The following KHDRBS2 variants were observed in gnomAD, a reference collection of about 807,000 sequenced individuals.
KHDRBS2 encodes KH RNA binding domain containing, signal transduction associated 2.
In KHDRBS2, 26 loss-of-function variants were observed where a neutral mutation model predicts 44.3. The observed-to-expected ratio is 0.59, with a 90% confidence interval of 0.43 to 0.81. The LOEUF is 0.81. Ranked by LOEUF, KHDRBS2 falls within the 40% of genes least tolerant of loss-of-function variation. The pLI is 0.00. For missense variants in KHDRBS2, 476 were observed against 433.1 expected (o/e 1.10, Z -0.88); for synonymous variants, 194 against 151.1 (o/e 1.28, Z -2.08).
At chr6:62,206,296 A>C (rs1253484045) in intron 1 of KHDRBS2, among the ~76,000 whole-genome samples, 1 of 152,098 alleles carries the variant, frequency 6.6e-6, no homozygotes, top group Non-Finnish European at 1.5e-5. Context: ...AGGTCATAAT[A>C]AATCTAGAAA....
intron 6 of KHDRBS2, among the ~76,000 whole-genome samples, chr6:61,793,566 TATTTTTTCAA>T (rs1327700814): frequency 6.6e-6 from 1 of 152,080 alleles, no homozygotes; most frequent in African/African-American, 2.4e-5. Flanking sequence ...TGTAATGCTT[TATTTTTTCAA>T]AATAAATCAA....
At chr6:61,991,172 T>C (rs1172753298) in intron 3 of KHDRBS2, among the ~76,000 whole-genome samples, 2 of 152,188 alleles carry the variant, frequency 1.3e-5, no homozygotes, top group Admixed American at 1.3e-4. Context: ...ATTAAGTCCA[T>C]TAAAAAATTT....
At chr6:61,685,786 C>T (rs1377452563) in intron 8 of KHDRBS2, among the ~76,000 whole-genome samples, 1 of 151,668 alleles carries the variant, frequency 6.6e-6, no homozygotes, top group Non-Finnish European at 1.5e-5. Context: ...TCAATGTGTT[C>T]TTATTTCTGC....
At chr6:61,673,940 G>A in the KHDRBS2 span, among the ~76,000 whole-genome samples, 1 of 151,158 alleles carries the variant, frequency 6.6e-6, no homozygotes, top group African/African-American at 2.4e-5. Context: ...AGTTCATATG[G>A]AACCAAAAAA....
At chr6:61,716,154 C>T (rs1292050416) in intron 7 of KHDRBS2, among the ~76,000 whole-genome samples, 1 of 151,820 alleles carries the variant, frequency 6.6e-6, no homozygotes, top group Non-Finnish European at 1.5e-5. Context: ...ATATCTGGTA[C>T]CCTGAGCTGC....
At chr6:61,885,088 T>C (rs1464653052) in intron 6 of KHDRBS2, among the ~76,000 whole-genome samples, 2 of 152,168 alleles carry the variant, frequency 1.3e-5, no homozygotes, top group East Asian at 1.9e-4. Flanking sequence ...TCACAAAATC[T>C]AGAAAACAAT....
chr6:61,983,236 C>CTTTCTTTCTTTCTTTCT (rs1309156581), intron 3 of KHDRBS2, among the ~76,000 whole-genome samples: 15 of 118,512 alleles, frequency 1.3e-4, no homozygotes, highest in Non-Finnish European at 2.7e-4. Context: ...TTCTTTCTTT[C>CTTTCTTTCTTTCTTTCT]TTTTTTTTTT....
chr6:61,616,969 C>CT, the KHDRBS2 span, among the ~76,000 whole-genome samples: 7 of 151,384 alleles, frequency 4.6e-5, no homozygotes, highest in East Asian at 1.2e-3. Context: ...TTATTGAGTA[C>CT]TTTTTTTTTC....
intron 2 of KHDRBS2, among the ~76,000 whole-genome samples, chr6:62,175,542 A>T (rs1820919148): frequency 6.6e-6 from 1 of 151,256 alleles, no homozygotes; most frequent in Non-Finnish European, 1.5e-5. Context: ...ATACTTTTTC[A>T]GTTGCCTCAT....
chr6:61,564,879 C>T, the KHDRBS2 span, among the ~76,000 whole-genome samples: 1 of 152,126 alleles, frequency 6.6e-6, no homozygotes, highest in South Asian at 2.1e-4. Context: ...ATCATATTAC[C>T]TGACTTCAAA....
At chr6:61,907,329 C>A (rs1350426468) in intron 4 of KHDRBS2, among the ~76,000 whole-genome samples, 1 of 151,804 alleles carries the variant, frequency 6.6e-6, no homozygotes, top group African/African-American at 2.4e-5. Context: ...AGGTAATTTG[C>A]AAATATTTTC....
intron 6 of KHDRBS2, among the ~76,000 whole-genome samples, chr6:61,847,198 CTAAA>C (rs1239044769): frequency 6.6e-6 from 1 of 152,066 alleles, no homozygotes; most frequent in Non-Finnish European, 1.5e-5. Context: ...AAATAAGAGA[CTAAA>C]TTCTCACTGT....
At chr6:62,248,859 T>G (rs1836058855) in intron 1 of KHDRBS2, among the ~76,000 whole-genome samples, 2 of 152,048 alleles carry the variant, frequency 1.3e-5, no homozygotes, top group South Asian at 4.1e-4. Context: ...GTAAGCGAAG[T>G]CAACAAACAT....
intron 6 of KHDRBS2, among the ~76,000 whole-genome samples, chr6:61,855,874 T>C (rs1290805097): frequency 6.6e-6 from 1 of 152,040 alleles, no homozygotes; most frequent in Non-Finnish European, 1.5e-5. Flanking sequence ...TAGCACACCC[T>C]TCATTGCATT....
At chr6:62,272,798 T>C (rs1186373418) in intron 1 of KHDRBS2, among the ~76,000 whole-genome samples, 5 of 152,144 alleles carry the variant, frequency 3.3e-5, no homozygotes, top group Non-Finnish European at 7.4e-5. Context: ...TACAATTTTA[T>C]AATATCGTAT....
intron 4 of KHDRBS2, among the ~76,000 whole-genome samples, chr6:61,962,231 A>G (rs1432992524): frequency 6.6e-6 from 1 of 152,108 alleles, no homozygotes; most frequent in Non-Finnish European, 1.5e-5. Flanking sequence ...ATATGCTTTG[A>G]AAGTTCATGG....
chr6:61,626,979 C>T, the KHDRBS2 span, among the ~76,000 whole-genome samples: 2 of 151,950 alleles, frequency 1.3e-5, no homozygotes, highest in Non-Finnish European at 2.9e-5. Context: ...TGGGGCCGGG[C>T]GCGGTGGCTC....
chr6:61,572,959 T>A, the KHDRBS2 span, among the ~76,000 whole-genome samples: 1 of 152,096 alleles, frequency 6.6e-6, no homozygotes, highest in Non-Finnish European at 1.5e-5. Context: ...GTACTGGAAG[T>A]CCTAGCCAGA....
intron 6 of KHDRBS2, among the ~76,000 whole-genome samples, chr6:61,757,188 G>A (rs1778613436): frequency 6.6e-6 from 1 of 152,078 alleles, no homozygotes; most frequent in Admixed American, 6.6e-5. Context: ...GGCAGAGTTG[G>A]TAGTATTGTT....
Sources: allele counts gnomAD v4.1 joint callset (sites outside exome capture counted in the v4.1 genomes callset), GRCh38; gene constraint gnomAD v4.1.1; transcripts MANE v1.5; gene names NCBI Gene and HGNC (gene_info 2026-07-23, HGNC 2026-07-21).